Variants in SGPP1 observed in about 807,000 individuals in gnomAD.
SGPP1 encodes sphingosine-1-phosphate phosphatase 1, also known as hSPP1.
SGPP1 carries 21 observed loss-of-function variants against 33.0 expected under a neutral mutation model. That is an observed-to-expected ratio of 0.64 (90% confidence interval 0.45 to 0.92). The LOEUF is 0.92. SGPP1 is among the 40% of genes least tolerant of loss of function. SGPP1 has a pLI of 0.00. For missense variants in SGPP1, 543 were observed against 589.4 expected (o/e 0.92, Z 0.81); for synonymous variants, 239 against 241.2 (o/e 0.99, Z 0.08).
In SGPP1 at chr14:63,686,197, C is replaced by A; in HGVS notation, c.1234G>T (p.Glu412Ter). Residue 412 changes from glutamate (E) to a stop codon, truncating the protein, a stop_gained, in exon 3 of 3, where the codon GAA (glutamate) becomes TAA (stop). Coordinates refer to ENST00000247225, the MANE Select transcript of SGPP1 (RefSeq NM_030791.4). LOFTEE classifies it high-confidence loss of function. ...IRKARQHMEVELPYRYITYGM... is the reference protein window; with the variant it reads ...IRKARQHMEV ...TAGGTAATATACCGATAAGGAAGTT[C>A]AACTTCCATGTGCTGTCTTGCTTTT... 1 of 1,613,584 alleles carries A rather than the reference C, an allele frequency of 6.2e-7. No homozygotes were observed. Among genetic ancestry groups the A allele is most frequent in the South Asian group, 1.1e-5 (1 of 91,058 alleles).
intron 1 of SGPP1, among the ~76,000 whole-genome samples, chr14:63,706,588 G>C (rs1166873036): frequency 6.6e-6 from 1 of 152,062 alleles, no homozygotes; most frequent in African/African-American, 2.4e-5. Context: ...ATTAATACTT[G>C]TTGAACAAAG....
chr14:63,718,370 T>C (rs1320718568), intron 1 of SGPP1, among the ~76,000 whole-genome samples: 1 of 152,162 alleles, frequency 6.6e-6, no homozygotes, highest in African/African-American at 2.4e-5. Flanking sequence ...TAATTCAATA[T>C]ATTTTTCAAA....
Position 63,684,867 on chromosome 14 carries a change from A to G in SGPP1, c.*1238T>C, listed in dbSNP as rs1020307617. On this transcript the variant is annotated 3_prime_UTR_variant, in exon 3 of 3. Coordinates refer to ENST00000247225, the MANE Select transcript of SGPP1 (RefSeq NM_030791.4). Reference sequence around the variant, plus strand: ...AAAAATAATAGGATCTAAAATACTGATACTAATTTTAGGTTTTATAATTTA... The same window carrying G: ...AAAAATAATAGGATCTAAAATACTGGTACTAATTTTAGGTTTTATAATTTA... 2 of 152,524 alleles carry G rather than the reference A, an allele frequency of 1.3e-5. No homozygotes were observed. Among genetic ancestry groups the G allele is most frequent in the African/African-American group, 4.8e-5 (2 of 41,462 alleles). 9.4% of individuals were successfully genotyped at this position (152,524 alleles called of 1,614,324 possible).
chr14:63,694,792 A>G (rs943195026), intron 2 of SGPP1, among the ~76,000 whole-genome samples: 1 of 152,236 alleles, frequency 6.6e-6, no homozygotes, highest in African/African-American at 2.4e-5. Context: ...AAGGAAATTT[A>G]GCAAATAATT....
At chr14:63,708,251 C>CTTTTTTTTT (rs36105615) in intron 1 of SGPP1, among the ~76,000 whole-genome samples, 3 of 97,894 alleles carry the variant, frequency 3.1e-5, no homozygotes, top group Non-Finnish European at 6.1e-5. Flanking sequence ...AGCAGCAATC[C>CTTTTTTTTT]TTTTTTTTTT....
Position 63,686,081 on chromosome 14 carries a change from C to T in SGPP1, c.*24G>A. 6.9e-7 allele frequency: 1 copy of T among 1,451,120 alleles called. No homozygotes were observed. Among genetic ancestry groups the T allele is most frequent in the Non-Finnish European group, 9.3e-7 (1 of 1,077,532 alleles). The allele number at this position is 1,451,120 out of a possible 1,614,324, so 89.9% of individuals were successfully genotyped here. ...GTATCAGTAACTGATACCCTCCTTT[C>T]TTATCATAAACAATACTTCTCCATC... is the stretch of plus-strand genomic sequence containing the variant. On this transcript the variant is annotated 3_prime_UTR_variant, in exon 3 of 3. Transcript: ENST00000247225.
intron 2 of SGPP1, among the ~76,000 whole-genome samples, chr14:63,690,240 GTCAT>G (rs1885063936): frequency 2.0e-5 from 3 of 152,102 alleles, no homozygotes; most frequent in Non-Finnish European, 4.4e-5. Context: ...ACAAGGTTTT[GTCAT>G]GTTGCCAAGG....
chr14:63,717,349 C>G (rs1374336347), intron 1 of SGPP1, among the ~76,000 whole-genome samples: 1 of 148,354 alleles, frequency 6.7e-6, no homozygotes, highest in Non-Finnish European at 1.5e-5. Flanking sequence ...GAGTCTCACT[C>G]TGTCGCTCAC....
At chr14:63,700,180 G>A (rs1204352511) in intron 1 of SGPP1, among the ~76,000 whole-genome samples, 2 of 152,092 alleles carry the variant, frequency 1.3e-5, no homozygotes, top group Admixed American at 6.6e-5. Flanking sequence ...TACAGGTGCA[G>A]TGAGCCAATG....
chr14:63,718,120 C>T (rs924965409), intron 1 of SGPP1, among the ~76,000 whole-genome samples: 2 of 151,948 alleles, frequency 1.3e-5, no homozygotes, highest in African/African-American at 2.4e-5. Flanking sequence ...TGTTGGTGCT[C>T]GCCTGCAGTC....
Position 63,686,498 on chromosome 14 carries a change from G to T in SGPP1, c.933C>A (p.Thr311=). Reference sequence around the variant, plus strand: ...CTGTGTCTCCTCGGGATGTGCTCCAGGTGTCAAGAGTGAAAGAAAAGATCC... The same window carrying T: ...CTGTGTCTCCTCGGGATGTGCTCCATGTGTCAAGAGTGAAAGAAAAGATCC... ...ALGIFSFTLD[T]WSTSRGDTAE... is the part of the protein sequence containing the mutation. The change falls in exon 3 of 3, where the codon ACC becomes ACA. Residue 311 remains threonine, a synonymous_variant. Coordinates refer to ENST00000247225, the MANE Select transcript of SGPP1 (RefSeq NM_030791.4). 1 of 1,614,052 alleles carries T rather than the reference G, an allele frequency of 6.2e-7. No individual in the cohort carries two copies. The highest frequency in any genetic ancestry group is 8.5e-7 in the Non-Finnish European group (1 of 1,179,996).
intron 1 of SGPP1, among the ~76,000 whole-genome samples, chr14:63,707,721 C>T (rs1363619145): frequency 6.6e-6 from 1 of 152,118 alleles, no homozygotes; most frequent in African/African-American, 2.4e-5. Flanking sequence ...GCTGGGATTA[C>T]AGGCATGAGC....
intron 1 of SGPP1, among the ~76,000 whole-genome samples, chr14:63,715,717 A>C (rs1284575195): frequency 6.6e-6 from 1 of 152,212 alleles, no homozygotes; most frequent in Non-Finnish European, 1.5e-5. Flanking sequence ...TTGGAGAGAC[A>C]AATCTCAGAG....
At chr14:63,698,948 TAGGAGGAGG>T (rs1274508770) in intron 1 of SGPP1, among the ~76,000 whole-genome samples, 1 of 152,166 alleles carries the variant, frequency 6.6e-6, no homozygotes, top group Non-Finnish European at 1.5e-5. Flanking sequence ...TGGCATGGTA[TAGGAGGAGG>T]AGGACAGGTA....
At chr14:63,701,480 G>A (rs1296045240) in intron 1 of SGPP1, among the ~76,000 whole-genome samples, 4 of 152,078 alleles carry the variant, frequency 2.6e-5, no homozygotes, top group East Asian at 3.9e-4. Context: ...GAGGCAAGAC[G>A]GAATGGAGGT....
At chr14:63,723,516 C>G (rs541503002) in intron 1 of SGPP1, among the ~76,000 whole-genome samples, 13 of 152,086 alleles carry the variant, frequency 8.5e-5, no homozygotes, top group Middle Eastern at 3.4e-3. Context: ...GTCAAGAGAT[C>G]GAGACCATCC....
intron 2 of SGPP1, among the ~76,000 whole-genome samples, chr14:63,696,248 C>T (rs1178985848): frequency 1.3e-5 from 2 of 152,138 alleles, no homozygotes; most frequent in African/African-American, 4.8e-5. Context: ...GCACTTCAGC[C>T]TGGGTGACAG....
chr14:63,689,626 A>C (rs1885053769), intron 2 of SGPP1, among the ~76,000 whole-genome samples: 1 of 151,448 alleles, frequency 6.6e-6, no homozygotes, highest in Non-Finnish European at 1.5e-5. Context: ...GTGAAACCCT[A>C]TCTCTATTAA....
intron 1 of SGPP1, among the ~76,000 whole-genome samples, chr14:63,714,744 ATTTT>A (rs368742605): frequency 2.1e-5 from 3 of 142,972 alleles, no homozygotes; most frequent in African/African-American, 7.6e-5. Context: ...ATTTTTATTT[ATTTT>A]TTTTTTTTTG....
Sources: gnomAD v4.1 joint callset for allele counts (sites outside exome capture counted in the v4.1 genomes callset) on GRCh38, gnomAD v4.1.1 for gene constraint, MANE v1.5 for transcripts, NCBI Gene and HGNC (gene_info 2026-07-23, HGNC 2026-07-21) for gene names.